The following PACRG variants were observed in gnomAD, a reference collection of about 807,000 sequenced individuals.
The protein encoded by PACRG is parkin coregulated.
Under a neutral mutation model 29.7 loss-of-function variants are expected in PACRG, and 29 were observed. That is an observed-to-expected ratio of 0.98 (90% CI 0.73 to 1.33). The LOEUF (loss-of-function observed/expected upper bound fraction) is 1.33. Ranked by LOEUF, PACRG falls within the 40% of genes most tolerant of loss-of-function variation. The probability of loss-of-function intolerance (pLI) is 0.00; values close to 1 mark genes in which losing one functional copy is unlikely to be tolerated. For missense variants in PACRG, 279 were observed against 316.2 expected, an observed-to-expected ratio of 0.88 and a Z score of 0.89; for synonymous variants, 116 against 118.7, an observed-to-expected ratio of 0.98 and a Z score of 0.15.
intron 2 of PACRG, among the ~76,000 whole-genome samples, chr6:162,994,994 C>G (rs1803837098): frequency 6.7e-6 from 1 of 150,228 alleles, no homozygotes; most frequent in Admixed American, 6.6e-5. Context: ...GTTGGAATAC[C>G]CTGCCGAGTG....
intron 4 of PACRG, among the ~76,000 whole-genome samples, chr6:163,160,491 G>GA (rs199566056): frequency 2.0e-3 from 306 of 152,244 alleles, no homozygotes; most frequent in African/African-American, 6.8e-3. Flanking sequence ...TGGAGGTTTT[G>GA]ACCTCTAGGT....
chr6:163,105,089 A>G (rs2128316061), intron 4 of PACRG, among the ~76,000 whole-genome samples: 1 of 152,262 alleles, frequency 6.6e-6, no homozygotes, highest in South Asian at 2.1e-4. Flanking sequence ...TTTACTAGAA[A>G]TTTATTGCAC....
At position 162,902,543 on chromosome 6, in the gene PACRG, T is replaced by C. The variant is rs550408364; in HGVS notation, c.291+88262T>C. ...TTTGTAGTTATGCCCAGTGAACTGA[T>C]AGGCCATTATCCCATCTTATTAAAA... On this transcript the variant is annotated intron_variant, in intron 2 of 4. Transcript: ENST00000366888. Among the ~76,000 whole-genome samples the C allele has an allele frequency of 2.5e-3, 374 of 152,358 alleles. 1 individual carries two copies. Among genetic ancestry groups the C allele is most frequent in the Non-Finnish European group, 4.1e-3 (278 of 68,032 alleles).
rs144400613 is a variant in PACRG, at chr6:163,269,755, A to AGAGG, written c.614-45069_614-45068insGGAG. On this transcript the variant is annotated intron_variant, in intron 4 of 4. Coordinates refer to ENST00000366888, the MANE Select transcript of PACRG (RefSeq NM_001080379.2). ...CACTGAGGGGGAAAAGAAGAAAGAGAGAGAGAGAGACAGACAGACAGACAG... is the reference window on the plus strand; with the variant it reads ...CACTGAGGGGGAAAAGAAGAAAGAGAGAGGGAGAGAGAGACAGACAGACAGACAG... Among the ~76,000 whole-genome samples, 593 of 80,376 alleles carry AGAGG rather than the reference A, an allele frequency of 7.4e-3. 50 individuals carry two copies. Among genetic ancestry groups the AGAGG allele is most frequent in the African/African-American group, 0.028 (560 of 19,746 alleles). 52.7% of individuals were successfully genotyped at this position (80,376 alleles called of 152,430 possible).
chr6:162,845,349 A>G (rs1044979327), intron 2 of PACRG, among the ~76,000 whole-genome samples: 1 of 152,154 alleles, frequency 6.6e-6, no homozygotes, highest in Non-Finnish European at 1.5e-5. Context: ...AGGCTTGCAA[A>G]ATTCATTGCA....
intron 4 of PACRG, among the ~76,000 whole-genome samples, chr6:163,225,921 G>A (rs987601457): frequency 1.3e-5 from 2 of 152,162 alleles, no homozygotes; most frequent in African/African-American, 4.8e-5. Flanking sequence ...GCTCATGCCT[G>A]TAATCCTAGC....
chr6:163,240,331 A>T (rs775446410), intron 4 of PACRG, among the ~76,000 whole-genome samples: 20 of 152,194 alleles, frequency 1.3e-4, no homozygotes, highest in Non-Finnish European at 2.8e-4. Flanking sequence ...GGGACAGAAA[A>T]TTTAAGAAAA....
intron 2 of PACRG, among the ~76,000 whole-genome samples, chr6:162,967,737 G>A (rs1173325916): frequency 6.6e-6 from 1 of 151,870 alleles, no homozygotes; most frequent in East Asian, 1.9e-4. Context: ...TCAATCTCCT[G>A]ACCTCATGAT....
intron 2 of PACRG, among the ~76,000 whole-genome samples, chr6:162,931,222 C>G (rs1797829561): frequency 6.6e-6 from 1 of 151,778 alleles, no homozygotes; most frequent in Non-Finnish European, 1.5e-5. Context: ...GATTCAACTT[C>G]TTTATCAGAT....
Position 163,157,622 on chromosome 6 carries a change from T to C in PACRG, c.613+68214T>C, listed in dbSNP as rs142306917. ...CTGCTCCTGGGGCCCATGCTTGCTC[T>C]CACACTAATATAAGAACAGTTATCC... On this transcript the variant is annotated intron_variant, in intron 4 of 4. Coordinates refer to ENST00000366888, the MANE Select transcript of PACRG (RefSeq NM_001080379.2). Among the ~76,000 whole-genome samples, 155 of 152,292 alleles carry C rather than the reference T, an allele frequency of 1.0e-3. 1 individual carries two copies. The highest frequency in any genetic ancestry group is 3.2e-3 in the Admixed American group (49 of 15,306).
At chr6:163,170,075 T>G (rs1037594575) in intron 4 of PACRG, among the ~76,000 whole-genome samples, 1 of 151,724 alleles carries the variant, frequency 6.6e-6, no homozygotes. Flanking sequence ...CCAAATACAG[T>G]CACATTTTTC....
At chr6:163,179,842 C>G (rs561139870) in intron 4 of PACRG, among the ~76,000 whole-genome samples, 2 of 152,294 alleles carry the variant, frequency 1.3e-5, no homozygotes, top group South Asian at 4.1e-4. Flanking sequence ...CTCATTCTCC[C>G]CCGTTCACTT....
chr6:162,832,557 A>G (rs1487493773), intron 2 of PACRG, among the ~76,000 whole-genome samples: 1 of 152,154 alleles, frequency 6.6e-6, no homozygotes, highest in Non-Finnish European at 1.5e-5. Flanking sequence ...GGCATTTACA[A>G]ATTCTAAACA....
At chr6:162,941,047 C>CGT (rs1562757984) in intron 2 of PACRG, among the ~76,000 whole-genome samples, 4 of 39,994 alleles carry the variant, frequency 1.0e-4, no homozygotes, top group African/African-American at 3.0e-4. Context: ...TGTGTTTGTG[C>CGT]ATGTGTGTGT....
intron 4 of PACRG, among the ~76,000 whole-genome samples, chr6:163,299,783 C>G (rs1225617805): frequency 2.0e-5 from 3 of 152,000 alleles, no homozygotes; most frequent in African/African-American, 4.8e-5. Context: ...GGAGGCTGAG[C>G]CAGGAGAATC....
intron 1 of PACRG, among the ~76,000 whole-genome samples, chr6:162,812,832 C>G (rs1584432683): frequency 6.6e-6 from 1 of 152,056 alleles, no homozygotes; most frequent in South Asian, 2.1e-4. Context: ...AATTCCAGAA[C>G]AAATTCCTAA....
At chr6:162,984,209 T>G (rs76499479) in intron 2 of PACRG, among the ~76,000 whole-genome samples, 6,838 of 152,044 alleles carry the variant, frequency 0.045, 497 homozygotes, top group African/African-American at 0.15. Context: ...AGTCCAATTA[T>G]CATTCTTATG....
chr6:162,969,065 A>AAAAAAAC (rs1562790007), intron 2 of PACRG, among the ~76,000 whole-genome samples: 1 of 151,320 alleles, frequency 6.6e-6, no homozygotes, highest in Non-Finnish European at 1.5e-5. Flanking sequence ...AAAAAAAAAA[A>AAAAAAAC]AGTAACAGAC....
At chr6:163,293,204 A>T (rs1461452699) in intron 4 of PACRG, among the ~76,000 whole-genome samples, 2 of 152,200 alleles carry the variant, frequency 1.3e-5, no homozygotes, top group African/African-American at 4.8e-5. Flanking sequence ...ATCAACAATG[A>T]ACTATTGATT....
Sources: allele counts gnomAD v4.1 joint callset (sites outside exome capture counted in the v4.1 genomes callset), GRCh38; gene constraint gnomAD v4.1.1; transcripts MANE v1.5; gene names NCBI Gene and HGNC (gene_info 2026-07-23, HGNC 2026-07-21).